Variants in NELFB observed in about 807,000 individuals in gnomAD.
NELFB encodes negative elongation factor B.
In NELFB, 34 loss-of-function variants were observed where a neutral mutation model predicts 60.2. The observed-to-expected ratio is 0.56, with a 90% confidence interval of 0.43 to 0.75. The LOEUF (loss-of-function observed/expected upper bound fraction) is 0.75. Ranked by LOEUF, NELFB falls within the 30% of genes least tolerant of loss-of-function variation. The pLI is 0.00. For missense variants in NELFB, 770 were observed against 831.6 expected (o/e 0.93, Z 0.91); for synonymous variants, 459 against 382.1 (o/e 1.20, Z -2.35).
At chr9:137,272,359 G>C in intron 11 of NELFB, 137 bp downstream of exon 11, 1 of 1,478,928 alleles carries the variant, frequency 6.8e-7, no homozygotes, top group Non-Finnish European at 9.2e-7. Flanking sequence ...CTCGCATGTG[G>C]CCCTGCAGGG....
rs1407768903 is a variant in NELFB at position 137,272,881 on chromosome 9, G to A, written c.1840G>A (p.Ala614Thr). 6.5e-7 allele frequency: 1 copy of A among 1,547,128 alleles called. No individual in the cohort carries two copies. The highest frequency in any genetic ancestry group is 2.4e-5 in the East Asian group (1 of 40,862). The change falls in exon 13 of 13, where the codon GCC (alanine) becomes ACC (threonine). Residue 614 changes from alanine (A) to threonine (T), a missense_variant. By Grantham distance (58) the Ala-to-Thr change is moderately conservative. Coordinates refer to ENST00000343053, the MANE Select transcript of NELFB (RefSeq NM_015456.5). ...CCCGGCACAGGCTGCGGAGACGCCG[G>A]CCCTGGAGCTGCCCCTCCCCAGCGT... is the stretch of plus-strand genomic sequence containing the variant.
chr9:137,262,004 GAA>G (rs1187237504), intron 4 of NELFB, among the ~76,000 whole-genome samples: 1 of 152,032 alleles, frequency 6.6e-6, no homozygotes, highest in East Asian at 1.9e-4. Context: ...AGGAGAGAGA[GAA>G]ACAGCTTACG....
intron 2 of NELFB, 91 bp downstream of exon 2, chr9:137,256,161 C>T: frequency 1.4e-6 from 2 of 1,455,400 alleles, no homozygotes; most frequent in Non-Finnish European, 1.9e-6. Flanking sequence ...CTTTTGGCTC[C>T]ACATCCTTGC....
At chr9:137,260,401 TTTTA>T (rs1554791010) in intron 4 of NELFB, among the ~76,000 whole-genome samples, 5 of 78,798 alleles carry the variant, frequency 6.3e-5, no homozygotes, top group Non-Finnish European at 1.0e-4. Context: ...TTAAAATTTT[TTTTA>T]TTTATTTTAT....
chr9:137,260,073 A>C (rs1223552590), intron 4 of NELFB, among the ~76,000 whole-genome samples: 4 of 143,744 alleles, frequency 2.8e-5, no homozygotes, highest in African/African-American at 1.0e-4. Context: ...TTTTTGAGAC[A>C]GAATCTTGCT....
intron 1 of NELFB, 101 bp from the exon 2 acceptor site, chr9:137,255,806 C>T (rs1837541186): frequency 1.3e-6 from 2 of 1,545,938 alleles, no homozygotes; most frequent in East Asian, 2.3e-5. Context: ...TTACCGCCAG[C>T]ACGGCTGGGA....
intron 12 of NELFB, 31 bp downstream of exon 12, chr9:137,272,646 C>T (rs1830598152): frequency 1.3e-6 from 2 of 1,556,568 alleles, no homozygotes; most frequent in Non-Finnish European, 1.7e-6. Flanking sequence ...CATCTGAAGG[C>T]ACCTGGTCCC....
Position 137,272,135 on chromosome 9 carries a change from G to A in NELFB, c.1544G>A (p.Gly515Asp). ...GACATCTTCCTCCACCTGCTCACGG[G>A]CAACCTTGCGCTGCTGGCCGACGAA... Residue 515 changes from glycine (G) to aspartate (D), a missense_variant, in exon 11 of 13, where the codon GGC (glycine) becomes GAC (aspartate). Physicochemically the swap from Gly to Asp is moderately conservative, Grantham distance 94. Transcript: ENST00000343053. 6.2e-7 allele frequency: 1 copy of A among 1,614,224 alleles called. No individual in the cohort carries two copies. The highest frequency in any genetic ancestry group is 8.5e-7 in the Non-Finnish European group (1 of 1,180,036).
At chr9:137,256,760 G>A in intron 3 of NELFB, 64 bp from the exon 4 acceptor site, 3 of 1,529,046 alleles carry the variant, frequency 2.0e-6, no homozygotes, top group South Asian at 1.2e-5. Context: ...AGGCCTCTTG[G>A]CTTGTCTTGA....
intron 8 of NELFB, among the ~76,000 whole-genome samples, 161 bp downstream of exon 8, chr9:137,266,587 G>C (rs931199680): frequency 6.6e-6 from 1 of 152,142 alleles, no homozygotes; most frequent in African/African-American, 2.4e-5. Context: ...ATGCCCACCA[G>C]GGAGGTTCTG....
At position 137,269,097 on chromosome 9, in the gene NELFB, G is replaced by A. The variant is rs952520955; in HGVS notation, c.1489+1751G>A. The stretch of plus-strand genomic sequence containing the variant: ...TGGGGACACGTCCACACCACAGCAC[G>A]TGCCTATTGTGTTTCTCGGTGGCTG... On this transcript the variant is annotated intron_variant, in intron 10 of 12. Transcript: ENST00000343053. This position sits in a 1 kb window ranked among gnomAD's most constrained non-coding sequence, Gnocchi z 5.3. 9.2e-5 allele frequency among the ~76,000 whole-genome samples: 14 copies of A among 152,090 alleles called. No homozygotes were observed. Among genetic ancestry groups the A allele is most frequent in the African/African-American group, 2.7e-4 (11 of 41,376 alleles).
At chr9:137,266,901 A>C in intron 8 of NELFB, 43 bp from the exon 9 acceptor site, 1 of 1,529,652 alleles carries the variant, frequency 6.5e-7, no homozygotes, top group Non-Finnish European at 8.9e-7. Flanking sequence ...GGGGTGGGGC[A>C]GGGCCCGGGC....
At position 137,264,488 on chromosome 9, in the gene NELFB, C is replaced by G. The variant is rs571791754; in HGVS notation, c.1040+131C>G. 13 of 700,592 alleles carry G rather than the reference C, an allele frequency of 1.9e-5. No individual in the cohort carries two copies. In the African/African-American group the frequency reaches 2.3e-4, roughly 13 times the overall value. 43.4% of individuals were successfully genotyped at this position (700,592 alleles called of 1,614,324 possible). On this transcript the variant is annotated intron_variant, in intron 6 of 12. Transcript: ENST00000343053. ...GCTTTTTCTTTTGTTTTTTTCGAGA[C>G]AGAGTCTCGTTCTGTAGCCCAGGAT...
At chr9:137,262,015 C>T (rs1377596422) in intron 4 of NELFB, among the ~76,000 whole-genome samples, 5 of 152,108 alleles carry the variant, frequency 3.3e-5, no homozygotes, top group South Asian at 2.1e-4. Flanking sequence ...AAACAGCTTA[C>T]GCCGTTATTT....
intron 4 of NELFB, 73 bp from the exon 5 acceptor site, chr9:137,262,964 C>T (rs953945021): frequency 3.8e-5 from 59 of 1,535,896 alleles, no homozygotes; most frequent in Middle Eastern, 3.5e-4. Context: ...GCCGCGCTGT[C>T]GCCGGGCGTG....
chr9:137,270,926 T>A (rs1830576853), intron 10 of NELFB, among the ~76,000 whole-genome samples: 2 of 152,138 alleles, frequency 1.3e-5, no homozygotes, highest in Admixed American at 6.5e-5. Flanking sequence ...TCAAAAAAAA[T>A]AAAAACCAGT....
intron 10 of NELFB, among the ~76,000 whole-genome samples, chr9:137,270,450 G>A (rs374086951): frequency 2.7e-5 from 4 of 150,828 alleles, no homozygotes; most frequent in Non-Finnish European, 5.9e-5. Context: ...AATTAGCCGC[G>A]TGTGTGACGC....
Position 137,273,069 on chromosome 9 carries a change from C to T in NELFB, c.*141C>T. 2 of 933,924 alleles carry T rather than the reference C, an allele frequency of 2.1e-6. No individual in the cohort carries two copies. The highest frequency in any genetic ancestry group is 3.0e-6 in the Non-Finnish European group (2 of 657,364). 57.9% of individuals were successfully genotyped at this position (933,924 alleles called of 1,614,324 possible). ...GGGCCTGTCCTGCCGTCATGGCCCC[C>T]TGCTTCCTGCTCCTTGGAGCTGGCT... On this transcript the variant is annotated 3_prime_UTR_variant, in exon 13 of 13. Coordinates refer to ENST00000343053, the MANE Select transcript of NELFB (RefSeq NM_015456.5).
rs896884739 is a variant in NELFB at position 137,272,689 on chromosome 9, TGTG to T, written c.1740+78_1740+80del. 14 of 1,528,840 alleles carry T rather than the reference TGTG, an allele frequency of 9.2e-6. No homozygotes were observed. In the East Asian group the frequency reaches 9.8e-5, roughly 11 times the overall value. 94.7% of individuals were successfully genotyped at this position (1,528,840 alleles called of 1,614,324 possible). On this transcript the variant is annotated intron_variant, in intron 12 of 12. Coordinates refer to ENST00000343053, the MANE Select transcript of NELFB (RefSeq NM_015456.5). ...CCGTGTGTGCTTGCCAAGCTGCCCTTGTGGTGCTTGTGTGTGGTCGGTGGGCAC... is the reference window on the plus strand; with the variant it reads ...CCGTGTGTGCTTGCCAAGCTGCCCTTGTGCTTGTGTGTGGTCGGTGGGCAC...
Sources: allele counts gnomAD v4.1 joint callset (sites outside exome capture counted in the v4.1 genomes callset), GRCh38; gene constraint gnomAD v4.1.1; non-coding constraint Gnocchi (gnomAD v3.1); transcripts MANE v1.5; gene names NCBI Gene and HGNC (gene_info 2026-07-23, HGNC 2026-07-21).